RBFOX3: variants seen among roughly 807,000 people sequenced by gnomAD.
The protein encoded by RBFOX3 is RNA binding protein fox-1 homolog 3.
RBFOX3 carries 17 observed loss-of-function variants against 48.7 expected under a neutral mutation model. The observed-to-expected ratio is 0.35, with a 90% CI of 0.24 to 0.52. The LOEUF (loss-of-function observed/expected upper bound fraction) is 0.52. Among genes scored for constraint, RBFOX3 ranks in the 20% least tolerant of loss-of-function variants. RBFOX3 has a pLI of 0.94. For missense variants in RBFOX3, 382 were observed against 497.5 expected, an observed-to-expected ratio of 0.77 and a Z score of 2.21; for synonymous variants, 212 against 209.5, an observed-to-expected ratio of 1.01 and a Z score of -0.10.
In RBFOX3 at chr17:79,090,714, G is replaced by A; in HGVS notation, c.*169C>T. 8.4e-6 allele frequency: 7 copies of A among 833,384 alleles called. No individual in the cohort carries two copies. The highest frequency in any genetic ancestry group is 1.3e-5 in the Non-Finnish European group (7 of 541,608). The allele number at this position is 833,384 out of a possible 1,614,324, so 51.6% of individuals were successfully genotyped here. On this transcript the variant is annotated 3_prime_UTR_variant, in exon 15 of 15. Coordinates refer to ENST00000693108, the MANE Select transcript of RBFOX3 (RefSeq NM_001350451.2). ...CTGCCGGCGTGCTCCCTCGGTGCGGGCGTGTGGCCAGGACGCGGGACTTGG... is the reference window on the plus strand; with the variant it reads ...CTGCCGGCGTGCTCCCTCGGTGCGGACGTGTGGCCAGGACGCGGGACTTGG...
intron 2 of RBFOX3, among the ~76,000 whole-genome samples, chr17:79,459,508 G>C (rs2075084089): frequency 6.6e-6 from 1 of 152,166 alleles, no homozygotes; most frequent in Non-Finnish European, 1.5e-5. Context: ...GGAAGGGGAT[G>C]CCAAGGACCA....
At chr17:79,579,844 T>C (rs1215704744) in intron 1 of RBFOX3, among the ~76,000 whole-genome samples, 3 of 93,970 alleles carry the variant, frequency 3.2e-5, no homozygotes, top group African/African-American at 4.7e-5. Flanking sequence ...TCACTGGTGC[T>C]GTGGTGGGGG....
chr17:79,257,973 C>T (rs1049562153), intron 3 of RBFOX3, among the ~76,000 whole-genome samples: 2 of 152,174 alleles, frequency 1.3e-5, no homozygotes, highest in African/African-American at 2.4e-5. Context: ...GGACGGGGGT[C>T]TCAAATCCTT....
intron 4 of RBFOX3, among the ~76,000 whole-genome samples, chr17:79,138,580 CTGTA>C (rs1415104975): frequency 2.7e-5 from 4 of 150,902 alleles, no homozygotes; most frequent in Non-Finnish European, 4.4e-5. Context: ...CACATTACAC[CTGTA>C]TGGTGATGCA....
chr17:79,435,022 T>C (rs1273952383), intron 2 of RBFOX3, among the ~76,000 whole-genome samples: 14 of 152,094 alleles, frequency 9.2e-5, no homozygotes, highest in Non-Finnish European at 2.1e-4. Context: ...TCACGAAAAA[T>C]ACAAGTTTCT....
At chr17:79,458,063 G>A (rs1347406320) in intron 2 of RBFOX3, among the ~76,000 whole-genome samples, 2 of 152,178 alleles carry the variant, frequency 1.3e-5, no homozygotes, top group Non-Finnish European at 2.9e-5. Flanking sequence ...TCTTTGCAGG[G>A]CGGGGGACCC....
intron 4 of RBFOX3, among the ~76,000 whole-genome samples, chr17:79,223,801 G>C (rs537785947): frequency 6.6e-6 from 1 of 152,116 alleles, no homozygotes; most frequent in Non-Finnish European, 1.5e-5. Flanking sequence ...GTGGCAGTGC[G>C]CCCCCCCTAC....
intron 3 of RBFOX3, among the ~76,000 whole-genome samples, chr17:79,294,147 T>A (rs1202671318): frequency 6.6e-6 from 1 of 152,222 alleles, no homozygotes; most frequent in African/African-American, 2.4e-5. Context: ...GAACCAGTTT[T>A]CTATTCCTCT....
chr17:79,359,457 T>C (rs2147232975), intron 2 of RBFOX3, among the ~76,000 whole-genome samples: 1 of 152,308 alleles, frequency 6.6e-6, no homozygotes, highest in African/African-American at 2.4e-5. Context: ...CCCCCACAAA[T>C]TCCAAAGAGC....
chr17:79,273,712 C>T lies in RBFOX3; in HGVS notation c.-74+34012G>A, dbSNP rs553810447. Among the ~76,000 whole-genome samples the T allele has an allele frequency of 2.6e-3, 391 of 152,236 alleles. 1 individual carries two copies. The highest frequency in any genetic ancestry group is 4.6e-3 in the Non-Finnish European group (315 of 68,000). ...AGCCCCATTGGCAGTGATGTCCGAG[C>T]GGGGCAGGTCCAGGATGGCTGTGGC... On this transcript the variant is annotated intron_variant, in intron 3 of 14. Coordinates refer to ENST00000693108, the MANE Select transcript of RBFOX3 (RefSeq NM_001350451.2).
chr17:79,416,719 C>G (rs1271950482), intron 2 of RBFOX3, among the ~76,000 whole-genome samples: 2 of 152,252 alleles, frequency 1.3e-5, no homozygotes, highest in South Asian at 4.1e-4. Context: ...TCAGCAGCCC[C>G]TTGGATCTAT....
Position 79,481,225 on chromosome 17 carries a change from C to CATCT in RBFOX3, c.-175+1225_-175+1228dup, listed in dbSNP as rs1217341724. ...CTTTGTCCAGGGTTCTCGTCGGCAT[C>CATCT]ATCTGCTCAGCCTACAGTGGGTCAT... On this transcript the variant is annotated intron_variant, in intron 2 of 14. Coordinates refer to ENST00000693108, the MANE Select transcript of RBFOX3 (RefSeq NM_001350451.2). This position sits in a 1 kb window ranked among gnomAD's most constrained non-coding sequence, Gnocchi z 5.4. Among the ~76,000 whole-genome samples the CATCT allele has an allele frequency of 1.3e-4, 20 of 152,198 alleles. No homozygotes were observed. Among genetic ancestry groups the CATCT allele is most frequent in the Admixed American group, 3.9e-4 (6 of 15,284 alleles).
intron 4 of RBFOX3, among the ~76,000 whole-genome samples, chr17:79,228,799 C>T (rs954184578): frequency 1.3e-5 from 2 of 152,182 alleles, no homozygotes; most frequent in Non-Finnish European, 2.9e-5. Context: ...AACTGATGCG[C>T]TAGTCCAAAC....
chr17:79,353,960 T>C (rs1435668046), intron 2 of RBFOX3, among the ~76,000 whole-genome samples: 1 of 152,196 alleles, frequency 6.6e-6, no homozygotes, highest in African/African-American at 2.4e-5. Context: ...CAGGAGATCT[T>C]CCCTTTCACC....
At chr17:79,414,815 G>A (rs2065050633) in intron 2 of RBFOX3, among the ~76,000 whole-genome samples, 1 of 152,224 alleles carries the variant, frequency 6.6e-6, no homozygotes, top group South Asian at 2.1e-4. Context: ...GGGCTTTGTA[G>A]CTCCTTGCTG....
chr17:79,091,770 T>C (rs537291614), intron 14 of RBFOX3, among the ~76,000 whole-genome samples: 347 of 152,254 alleles, frequency 2.3e-3, no homozygotes, highest in African/African-American at 7.7e-3. Context: ...ACAACCCCCT[T>C]GCAAGGCTGG....
chr17:79,328,853 C>T (rs2079760160), intron 2 of RBFOX3, among the ~76,000 whole-genome samples: 1 of 152,082 alleles, frequency 6.6e-6, no homozygotes. Flanking sequence ...CCGTGGTTGC[C>T]CAGGGATAGG....
rs139378782 is a variant in RBFOX3 at position 79,297,123 on chromosome 17, T to A, written c.-74+10601A>T. On this transcript the variant is annotated intron_variant, in intron 3 of 14. Transcript: ENST00000693108. Reference sequence around the variant, plus strand: ...GATGCCCAAGGCCCACTACCTGCCTTGTCTGGAGCTTGGCAGAGCCTCCTC... The same window carrying A: ...GATGCCCAAGGCCCACTACCTGCCTAGTCTGGAGCTTGGCAGAGCCTCCTC... Among the ~76,000 whole-genome samples, 8 of 152,080 alleles carry A rather than the reference T, an allele frequency of 5.3e-5. No homozygotes were observed. The East Asian group carries it at 1.6e-3, about 30-fold the overall frequency.
rs2078885307 is a variant in RBFOX3 at position 79,482,267 on chromosome 17, T to C, written c.-175+187A>G. ...TTAAAAATTCTACCCCATACCTTCT[T>C]GGGCGTCCGTCGATGTTCCCCCTCC... On this transcript the variant is annotated intron_variant, in intron 2 of 14. Coordinates refer to ENST00000693108, the MANE Select transcript of RBFOX3 (RefSeq NM_001350451.2). The surrounding 1 kb of genome is among the most constrained non-coding windows in gnomAD (Gnocchi z 4.1). Among the ~76,000 whole-genome samples, 1 of 152,148 alleles carries C rather than the reference T, an allele frequency of 6.6e-6. No individual in the cohort carries two copies.
Sources: gnomAD v4.1 joint callset for allele counts (sites outside exome capture counted in the v4.1 genomes callset) on GRCh38, gnomAD v4.1.1 for gene constraint, Gnocchi (gnomAD v3.1) non-coding constraint, MANE v1.5 for transcripts, NCBI Gene and HGNC (gene_info 2026-07-23, HGNC 2026-07-21) for gene names.